ANKRD29: variants seen among roughly 807,000 people sequenced by gnomAD.
ANKRD29 encodes ankyrin repeat domain 29, also known as ankyrin repeat domain-containing protein 29.
In ANKRD29, 32 loss-of-function variants were observed where a neutral mutation model predicts 38.0. The ratio of observed to expected loss-of-function variants is 0.84; its 90% CI spans 0.64 to 1.13. ANKRD29 has a LOEUF of 1.13. Ranked by LOEUF, ANKRD29 falls within the 50% of genes most tolerant of loss-of-function variation. The probability of loss-of-function intolerance (pLI) is 0.00; values close to 1 mark genes in which losing one functional copy is unlikely to be tolerated. For synonymous variants in ANKRD29, 135 were observed against 152.4 expected (o/e 0.89, Z 0.84); for missense variants, 357 against 377.9 (o/e 0.94, Z 0.46).
intron 9 of ANKRD29, among the ~76,000 whole-genome samples, chr18:23,603,256 T>C (rs1028684195): frequency 6.6e-6 from 1 of 152,260 alleles, no homozygotes; most frequent in African/African-American, 2.4e-5. Flanking sequence ...CTATGCATGG[T>C]TTGTAACATG....
At chr18:23,605,504 C>T (rs2059564349) in intron 9 of ANKRD29, among the ~76,000 whole-genome samples, 1 of 151,694 alleles carries the variant, frequency 6.6e-6, no homozygotes, top group Non-Finnish European at 1.5e-5. Context: ...GCCCCGCCAT[C>T]ACACAGAATT....
At chr18:23,622,702 G>C (rs2059811325) in intron 6 of ANKRD29, among the ~76,000 whole-genome samples, 1 of 152,002 alleles carries the variant, frequency 6.6e-6, no homozygotes, top group African/African-American at 2.4e-5. Context: ...GAGAGGCTGA[G>C]ACTACAGGCA....
chr18:23,649,014 C>T (rs745880258), intron 2 of ANKRD29, 69 bp downstream of exon 2: 17 of 1,272,824 alleles, frequency 1.3e-5, no homozygotes, highest in Non-Finnish European at 1.9e-5. Flanking sequence ...GGAATGTATT[C>T]CTGAGGTGCT....
At chr18:23,617,911 C>CA in intron 7 of ANKRD29, 84 bp from the exon 8 acceptor site, 1 of 1,076,300 alleles carries the variant, frequency 9.3e-7, no homozygotes, top group Non-Finnish European at 1.4e-6. Flanking sequence ...CTGGAAAGTA[C>CA]CGTTGTCAGA....
intron 3 of ANKRD29, 102 bp from the exon 4 acceptor site, chr18:23,639,049 T>C (rs2060039272): frequency 1.1e-6 from 1 of 916,690 alleles, no homozygotes; most frequent in South Asian, 2.0e-5. Context: ...CATAGAAAAC[T>C]TCTAGCCTAG....
chr18:23,601,624 G>T (rs1445799064), intron 9 of ANKRD29, among the ~76,000 whole-genome samples: 1 of 152,096 alleles, frequency 6.6e-6, no homozygotes, highest in Admixed American at 6.6e-5. Flanking sequence ...TCTAAAATGT[G>T]CTCAATAAGT....
intron 6 of ANKRD29, among the ~76,000 whole-genome samples, chr18:23,629,359 C>G (rs2059901126): frequency 1.3e-5 from 2 of 152,244 alleles, no homozygotes; most frequent in African/African-American, 2.4e-5. Flanking sequence ...GAAGTCTCAA[C>G]AGCATAACAA....
chr18:23,654,298 AT>A (rs1464603140), intron 1 of ANKRD29, among the ~76,000 whole-genome samples: 9 of 149,204 alleles, frequency 6.0e-5, no homozygotes, highest in African/African-American at 2.2e-4. Flanking sequence ...AAATAAATAA[AT>A]AAATAAATAA....
chr18:23,602,997 C>A (rs2059532631), intron 9 of ANKRD29, among the ~76,000 whole-genome samples: 1 of 152,090 alleles, frequency 6.6e-6, no homozygotes, highest in African/African-American at 2.4e-5. Flanking sequence ...CCATCTGTAT[C>A]CTGTCTATTG....
intron 1 of ANKRD29, among the ~76,000 whole-genome samples, chr18:23,653,105 G>A (rs1248824751): frequency 1.3e-5 from 2 of 152,198 alleles, no homozygotes; most frequent in Non-Finnish European, 2.9e-5. Context: ...CTACACCATA[G>A]AGCCTAGATG....
chr18:23,614,069 CT>C (rs1383682874), intron 8 of ANKRD29, among the ~76,000 whole-genome samples: 1 of 151,666 alleles, frequency 6.6e-6, no homozygotes, highest in South Asian at 2.1e-4. Context: ...TTTTTGGCCT[CT>C]TTTTTTTCTT....
At chr18:23,611,433 C>T (rs1220205258) in intron 9 of ANKRD29, among the ~76,000 whole-genome samples, 3 of 152,150 alleles carry the variant, frequency 2.0e-5, no homozygotes, top group African/African-American at 7.2e-5. Flanking sequence ...TGTGTAATCC[C>T]AGCACTTTGG....
At chr18:23,659,526 C>T (rs149294737) in intron 1 of ANKRD29, among the ~76,000 whole-genome samples, 36 of 151,992 alleles carry the variant, frequency 2.4e-4, no homozygotes, top group Non-Finnish European at 4.7e-4. Flanking sequence ...AGGTGAATCA[C>T]GAGGTCAAGA....
chr18:23,629,540 T>C (rs967307479), intron 6 of ANKRD29, among the ~76,000 whole-genome samples: 2 of 152,242 alleles, frequency 1.3e-5, no homozygotes, highest in Non-Finnish European at 2.9e-5. Context: ...ACTCATTAGA[T>C]CAGTGCAGCC....
chr18:23,618,599 T>G (rs912828371), intron 7 of ANKRD29: 5 of 152,048 alleles, frequency 3.3e-5, no homozygotes, highest in African/African-American at 1.2e-4. Context: ...TAAAATAAAA[T>G]CTGCTAAAAA....
chr18:23,619,263 A>G, intron 7 of ANKRD29: 1 of 425,992 alleles, frequency 2.3e-6, no homozygotes, highest in Non-Finnish European at 4.2e-6. Flanking sequence ...GACAGGCGGG[A>G]GGCCCCCAGG....
chr18:23,661,992 G>A lies in ANKRD29; in HGVS notation c.21+718C>T, dbSNP rs112472950. ...TTATTGGCTGCAAAACCGTGGGTGA[G>A]TTAATTTCTCTATATCTTAGTTTTC... On this transcript the variant is annotated intron_variant, in intron 1 of 9. Transcript: ENST00000592179. Among the ~76,000 whole-genome samples, 480 of 144,802 alleles carry A rather than the reference G, an allele frequency of 3.3e-3. 1 individual carries two copies. The highest frequency in any genetic ancestry group is 5.5e-3 in the Non-Finnish European group (367 of 66,674). The allele number at this position is 144,802 out of a possible 152,430, so 95.0% of individuals were successfully genotyped here.
chr18:23,630,160 C>T (rs2059911644), intron 5 of ANKRD29, among the ~76,000 whole-genome samples: 1 of 152,042 alleles, frequency 6.6e-6, no homozygotes, highest in Non-Finnish European at 1.5e-5. Context: ...CACGGCGGCT[C>T]ACGCCTGTAA....
At chr18:23,654,632 A>AG (rs1293599096) in intron 1 of ANKRD29, among the ~76,000 whole-genome samples, 1 of 150,870 alleles carries the variant, frequency 6.6e-6, no homozygotes, top group Non-Finnish European at 1.5e-5. Context: ...AAAAAAAAAA[A>AG]AAAAAAAAAA....
Sources: allele counts gnomAD v4.1 joint callset (sites outside exome capture counted in the v4.1 genomes callset), GRCh38; gene constraint gnomAD v4.1.1; transcripts MANE v1.5; gene names NCBI Gene and HGNC (gene_info 2026-07-23, HGNC 2026-07-21).